AMZ1: variants seen among roughly 807,000 people sequenced by gnomAD.
The protein encoded by AMZ1 is archaelysin family metallopeptidase 1.
AMZ1 carries 39 observed loss-of-function variants against 29.9 expected under a neutral mutation model. The observed-to-expected ratio is 1.30, with a 90% CI of 1.01 to 1.70. The LOEUF is 1.70. Among genes scored for constraint, AMZ1 ranks in the 40% most tolerant of loss-of-function variants. AMZ1 has a pLI of 0.00. For synonymous variants in AMZ1, 458 were observed against 304.0 expected (o/e 1.51, Z -5.27); for missense variants, 1,041 against 680.6 (o/e 1.53, Z -5.89).
upstream of AMZ1, among the ~76,000 whole-genome samples, chr7:2,687,993 G>A (rs1286664919): frequency 6.7e-6 from 1 of 150,366 alleles, no homozygotes; most frequent in East Asian, 2.1e-4. Flanking sequence ...CACCTGTTTG[G>A]CTTTAGGCTC....
intron 4 of AMZ1, among the ~76,000 whole-genome samples, chr7:2,736,046 G>A (rs1306746385): frequency 6.6e-6 from 1 of 152,198 alleles, no homozygotes; most frequent in Non-Finnish European, 1.5e-5. Flanking sequence ...CCCACGGGAC[G>A]ATCGTTTGCG....
Position 2,700,751 on chromosome 7 carries a change from G to T in AMZ1, c.300G>T (p.Pro100=). 1.2e-6 allele frequency: 2 copies of T among 1,612,314 alleles called. No individual in the cohort carries two copies. The highest frequency in any genetic ancestry group is 1.7e-6 in the Non-Finnish European group (2 of 1,179,894). Residue 100 remains proline, a synonymous_variant, in exon 2 of 7, where the codon CCG becomes CCT. Transcript: ENST00000683327. ...RLARKHIYLQ[P]IDLSEEPVGS... ...CTCGGAAGCACATCTACCTACAGCC[G>T]ATAGGTACGGGACGCCTGCAGCCAT...
In AMZ1 at chr7:2,700,692, C is replaced by T. The variant is rs140865604; in HGVS notation, c.241C>T (p.His81Tyr). Reference protein sequence around the residue: ...PEAPEDFQTFHASLQHRKPRL... With the variant: ...PEAPEDFQTFYASLQHRKPRL... ...GGCTCCCGAGGACTTCCAGACCTTCCACGCCTCCCTGCAGCACCGGAAGCC... is the reference window on the plus strand; with the variant it reads ...GGCTCCCGAGGACTTCCAGACCTTCTACGCCTCCCTGCAGCACCGGAAGCC... Residue 81 changes from histidine to tyrosine, a missense_variant, in exon 2 of 7, where the codon CAC becomes TAC. Coordinates refer to ENST00000683327, the MANE Select transcript of AMZ1 (RefSeq NM_001384743.1). 5 of 1,612,968 alleles carry T rather than the reference C, an allele frequency of 3.1e-6. No homozygotes were observed. In the African/African-American group the frequency reaches 6.7e-5, roughly 22 times the overall value.
intron 4 of AMZ1, among the ~76,000 whole-genome samples, chr7:2,725,766 G>A (rs920605154): frequency 8.5e-5 from 13 of 152,226 alleles, no homozygotes; most frequent in African/African-American, 3.1e-4. Flanking sequence ...TCCTTTCTTG[G>A]GAAACCTAAC....
rs762300306 is a variant in AMZ1 at position 2,712,692 on chromosome 7, C to G, written c.1311C>G (p.Leu437=). 1 of 1,612,178 alleles carries G rather than the reference C, an allele frequency of 6.2e-7. No individual in the cohort carries two copies. The highest frequency in any genetic ancestry group is 1.1e-5 in the South Asian group (1 of 90,902). ...LVQVDRAVDA[L]DRWEMFTGQL... ...AGGTGGACAGAGCCGTGGACGCCCT[C>G]GACCGCTGGGAGATGTTCACGGGCC... The change falls in exon 7 of 7, where the codon CTC becomes CTG. Residue 437 remains leucine (L), a synonymous_variant. Coordinates refer to ENST00000683327, the MANE Select transcript of AMZ1 (RefSeq NM_001384743.1).
intron 4 of AMZ1, among the ~76,000 whole-genome samples, chr7:2,739,717 C>T (rs1237267159): frequency 8.5e-5 from 13 of 152,138 alleles, no homozygotes; most frequent in Admixed American, 8.5e-4. Flanking sequence ...CCCCGTTGCT[C>T]AGGCTGAGTG....
chr7:2,712,696 C>A lies in AMZ1; in HGVS notation c.1315C>A (p.Arg439Ser), dbSNP rs111981479. Residue 439 changes from arginine (R) to serine (S), a missense_variant, in exon 7 of 7, where the codon CGC (arginine) becomes AGC (serine). Arg to Ser is a moderately radical substitution (Grantham distance 110). Coordinates refer to ENST00000683327, the MANE Select transcript of AMZ1 (RefSeq NM_001384743.1). ...QVDRAVDALD[R>S]WEMFTGQLPA... ...GGACAGAGCCGTGGACGCCCTCGAC[C>A]GCTGGGAGATGTTCACGGGCCAGCT... 6 of 1,611,872 alleles carry A rather than the reference C, an allele frequency of 3.7e-6. No individual in the cohort carries two copies. The highest frequency in any genetic ancestry group is 1.1e-5 in the South Asian group (1 of 90,876).
At chr7:2,736,700 G>A (rs1790196868) in intron 4 of AMZ1, among the ~76,000 whole-genome samples, 1 of 152,182 alleles carries the variant, frequency 6.6e-6, no homozygotes, top group Non-Finnish European at 1.5e-5. Context: ...GCAGTTTCTG[G>A]AAGCACCTGT....
Position 2,731,040 on chromosome 7 carries a change from C to G in AMZ1, n.550+21224C>G. The G allele has an allele frequency of 3.3e-6, 2 of 598,988 alleles. No homozygotes were observed. The highest frequency in any genetic ancestry group is 5.9e-6 in the Non-Finnish European group (2 of 340,194). The allele number at this position is 598,988 out of a possible 1,614,324, so 37.1% of individuals were successfully genotyped here. A position where few individuals can be genotyped will look rare whatever the true frequency, so the allele number is the denominator to read the frequency against. ...GCCTAGAGCTCGCTGGCTGGCTGGT[C>G]TGACAGCATTCCTGAGCCAGGTATT... is the stretch of plus-strand genomic sequence containing the variant. On this transcript the variant is annotated intron_variant and non_coding_transcript_variant, in intron 4 of 4. Transcript: ENST00000489665. The surrounding 1 kb of genome is among the most constrained non-coding windows in gnomAD (Gnocchi z 6.0).
Position 2,708,682 on chromosome 7 carries a change from G to C in AMZ1, c.567G>C (p.Trp189Cys), listed in dbSNP as rs559567205. The change falls in exon 4 of 7, where the codon TGG becomes TGC. Residue 189 changes from tryptophan (W) to cysteine (C), a missense_variant. Transcript: ENST00000683327. ...CTGACCTGTACCCCCATGAGGCCTG[G>C]AGCTTCACCTTCAGCAAGTTCCTTC... ...TLSDLYPHEA[W>C]SFTFSKFLPG... 3.5e-5 allele frequency: 56 copies of C among 1,613,014 alleles called. No homozygotes were observed. The highest frequency in any genetic ancestry group is 4.7e-5 in the Non-Finnish European group (56 of 1,180,008).
At chr7:2,684,383 A>C (rs1432349300), upstream of AMZ1, among the ~76,000 whole-genome samples, 1 of 152,108 alleles carries the variant, frequency 6.6e-6, no homozygotes, top group Non-Finnish European at 1.5e-5. Flanking sequence ...GCAAGTAGGC[A>C]CATTTTTGGG....
rs1357223866 is a variant in AMZ1, at chr7:2,718,860, C to A, written c.*5982C>A. ...CTGGGAACAGGGGAGTCACAGAAACCACGGGAAACGGAGTGGGTTGGAAGA... is the reference window on the plus strand; with the variant it reads ...CTGGGAACAGGGGAGTCACAGAAACAACGGGAAACGGAGTGGGTTGGAAGA... On this transcript the variant is annotated 3_prime_UTR_variant, in exon 7 of 7. Transcript: ENST00000683327. Among the ~76,000 whole-genome samples the A allele has an allele frequency of 1.3e-5, 2 of 152,146 alleles. No homozygotes were observed. The highest frequency in any genetic ancestry group is 3.9e-4 in the East Asian group (2 of 5,192).
chr7:2,757,565 C>A (rs1418872866), intron 4 of AMZ1, among the ~76,000 whole-genome samples: 1 of 152,148 alleles, frequency 6.6e-6, no homozygotes, highest in South Asian at 2.1e-4. Flanking sequence ...GCCAGGTGCA[C>A]CAGCCTGCGA....
chr7:2,693,007 C>G (rs1265919574), intron 1 of AMZ1, among the ~76,000 whole-genome samples: 3 of 152,196 alleles, frequency 2.0e-5, no homozygotes, highest in Non-Finnish European at 4.4e-5. Context: ...CTCAGAGATC[C>G]CACCTCAATG....
intron 4 of AMZ1, among the ~76,000 whole-genome samples, chr7:2,750,809 G>A (rs1417435359): frequency 6.6e-6 from 1 of 152,196 alleles, no homozygotes; most frequent in East Asian, 1.9e-4. Context: ...GTTACAAAGT[G>A]AGGCCTCAGA....
intron 3 of AMZ1, among the ~76,000 whole-genome samples, chr7:2,703,611 G>T (rs1298686930): frequency 6.6e-6 from 1 of 152,184 alleles, no homozygotes; most frequent in African/African-American, 2.4e-5. Flanking sequence ...TGAGGGCTCT[G>T]TTGGTGGATA....
Position 2,704,854 on chromosome 7 carries a change from C to T in AMZ1, c.472+1965C>T, listed in dbSNP as rs184919953. Among the ~76,000 whole-genome samples, 10 of 152,142 alleles carry T rather than the reference C, an allele frequency of 6.6e-5. No homozygotes were observed. In the South Asian group the frequency reaches 1.7e-3, roughly 25 times the overall value. On this transcript the variant is annotated intron_variant, in intron 3 of 6. Coordinates refer to ENST00000683327, the MANE Select transcript of AMZ1 (RefSeq NM_001384743.1). Reference sequence around the variant, plus strand: ...CTGGTGATCTGCCTGCCTCGGTCTCCCAAAGTGCTGGGATTACAGGTGTGA... The same window carrying T: ...CTGGTGATCTGCCTGCCTCGGTCTCTCAAAGTGCTGGGATTACAGGTGTGA...
intron 6 of AMZ1, among the ~76,000 whole-genome samples, chr7:2,712,052 AAT>A (rs1491062840): frequency 8.3e-6 from 1 of 120,280 alleles, no homozygotes; most frequent in African/African-American, 3.8e-5. Context: ...GTCTTAAAAA[AAT>A]CGAAAAATGT....
intron 1 of AMZ1, among the ~76,000 whole-genome samples, chr7:2,698,648 G>T (rs1017824156): frequency 6.6e-6 from 1 of 152,048 alleles, no homozygotes; most frequent in Non-Finnish European, 1.5e-5. Flanking sequence ...ACCAGCCTGG[G>T]CAACATAGTG....
Sources: allele counts gnomAD v4.1 joint callset (sites outside exome capture counted in the v4.1 genomes callset), GRCh38; gene constraint gnomAD v4.1.1; non-coding constraint Gnocchi (gnomAD v3.1); transcripts MANE v1.5; gene names NCBI Gene and HGNC (gene_info 2026-07-23, HGNC 2026-07-21).